Variants in NR5A2 observed in about 807,000 individuals in gnomAD.
NR5A2 encodes the protein nuclear receptor subfamily 5 group A member 2, also known as CYP7A promoter-binding factor.
A neutral mutation model predicts 62.7 loss-of-function variants in NR5A2; 26 were observed. The ratio of observed to expected loss-of-function variants is 0.41; its 90% CI spans 0.30 to 0.58. The LOEUF (loss-of-function observed/expected upper bound fraction) is 0.58, where lower values mean the gene tolerates loss of function less well. Among genes scored for constraint, NR5A2 ranks in the 20% least tolerant of loss-of-function variants. The probability of loss-of-function intolerance (pLI) is 0.22; values close to 1 mark genes in which losing one functional copy is unlikely to be tolerated. For synonymous variants in NR5A2, 246 were observed against 241.7 expected (o/e 1.02, Z -0.16); for missense variants, 541 against 669.1 (o/e 0.81, Z 2.11).
intron 5 of NR5A2, among the ~76,000 whole-genome samples, chr1:200,052,798 C>T (rs1008004318): frequency 5.3e-5 from 8 of 149,982 alleles, no homozygotes; most frequent in South Asian, 2.1e-4. Flanking sequence ...CCTGCCACCA[C>T]GCCGGCTAAT....
intron 5 of NR5A2, among the ~76,000 whole-genome samples, chr1:200,060,303 AC>A (rs1393251247): frequency 6.6e-6 from 1 of 152,072 alleles, no homozygotes. Flanking sequence ...AAGGAAGGCA[AC>A]TCGTTCCCTA....
At chr1:200,053,602 CACACA>C (rs1030951248) in intron 5 of NR5A2, among the ~76,000 whole-genome samples, 2 of 150,354 alleles carry the variant, frequency 1.3e-5, no homozygotes, top group Non-Finnish European at 3.0e-5. Context: ...CACACACACA[CACACA>C]AAGAGGCAGT....
chr1:200,132,782 G>A (rs1395344854), intron 7 of NR5A2, among the ~76,000 whole-genome samples: 1 of 123,160 alleles, frequency 8.1e-6, no homozygotes, highest in Non-Finnish European at 1.8e-5. Context: ...GAAAGGAGTT[G>A]GGAAACTGCA....
chr1:200,121,474 G>A (rs925808577), intron 7 of NR5A2, among the ~76,000 whole-genome samples: 2 of 152,192 alleles, frequency 1.3e-5, no homozygotes, highest in South Asian at 2.1e-4. Flanking sequence ...AAAGATGACA[G>A]TTGTCAAGGG....
chr1:200,088,046 C>T lies in NR5A2; in HGVS notation c.1111-23156C>T, dbSNP rs918128397. ...GATTACACGTATGAACCACCATGCC[C>T]GGCCCCTTGCTAACATTTTAATTTT... On this transcript the variant is annotated intron_variant, in intron 5 of 7. Coordinates refer to ENST00000367362, the MANE Select transcript of NR5A2 (RefSeq NM_205860.3). 4.3e-4 allele frequency among the ~76,000 whole-genome samples: 66 copies of T among 151,862 alleles called. 1 individual carries two copies. The highest frequency in any genetic ancestry group is 1.3e-3 in the African/African-American group (52 of 41,346).
In NR5A2 at chr1:200,147,398, A is replaced by G; in HGVS notation, c.1378+26443A>G. On this transcript the variant is annotated intron_variant, in intron 7 of 7. Transcript: ENST00000367362. The surrounding 1 kb of genome is among the most constrained non-coding windows in gnomAD (Gnocchi z 4.9). ...CACCTTAGTTCCTCTCGGAGTCTGT[A>G]TGGGTCTGGGCGAGATGCAGGCAGC... 2.4e-6 allele frequency: 1 copy of G among 412,600 alleles called. No homozygotes were observed. Among genetic ancestry groups the G allele is most frequent in the Non-Finnish European group, 4.7e-6 (1 of 214,616 alleles). The allele number at this position is 412,600 out of a possible 1,614,324, so 25.6% of individuals were successfully genotyped here.
At chr1:200,054,149 A>C (rs1211438940) in intron 5 of NR5A2, 1 of 152,254 alleles carries the variant, frequency 6.6e-6, no homozygotes, top group African/African-American at 2.4e-5. Context: ...GGCATTCATG[A>C]AACTGTCCAT....
chr1:200,126,364 G>C (rs1666699637), intron 7 of NR5A2, among the ~76,000 whole-genome samples: 1 of 152,024 alleles, frequency 6.6e-6, no homozygotes, highest in Admixed American at 6.6e-5. Flanking sequence ...TCTTAGTGAA[G>C]CAAAGTTCTT....
At chr1:200,105,316 TGA>T (rs1665595680) in intron 5 of NR5A2, among the ~76,000 whole-genome samples, 1 of 151,776 alleles carries the variant, frequency 6.6e-6, no homozygotes, top group South Asian at 2.1e-4. Context: ...CAGGAAACAC[TGA>T]GAGAGAAAAA....
chr1:200,068,812 C>G (rs1663613891), intron 5 of NR5A2, among the ~76,000 whole-genome samples: 1 of 151,846 alleles, frequency 6.6e-6, no homozygotes, highest in Non-Finnish European at 1.5e-5. Flanking sequence ...ATCATTTGGG[C>G]TAGGAGGAGG....
At chr1:200,076,723 G>A (rs532305607) in intron 5 of NR5A2, among the ~76,000 whole-genome samples, 7 of 152,096 alleles carry the variant, frequency 4.6e-5, no homozygotes, top group South Asian at 2.1e-4. Context: ...TAAATGAACA[G>A]CATGACTTGC....
chr1:200,111,388 T>A (rs1665950212), intron 6 of NR5A2, 67 bp downstream of exon 6: 1 of 1,534,648 alleles, frequency 6.5e-7, no homozygotes, highest in Admixed American at 2.0e-5. Context: ...ATGGCCGGAA[T>A]TTAACTAGGT....
Position 200,174,346 on chromosome 1 carries a change from T to A in NR5A2, c.*136T>A. 1 of 912,884 alleles carries A rather than the reference T, an allele frequency of 1.1e-6. No homozygotes were observed. Among genetic ancestry groups the A allele is most frequent in the Non-Finnish European group, 1.5e-6 (1 of 668,742 alleles). The allele number at this position is 912,884 out of a possible 1,614,324, so 56.5% of individuals were successfully genotyped here. A position where few individuals can be genotyped will look rare whatever the true frequency, so the allele number is the denominator to read the frequency against. On this transcript the variant is annotated 3_prime_UTR_variant, in exon 8 of 8. Coordinates refer to ENST00000367362, the MANE Select transcript of NR5A2 (RefSeq NM_205860.3). ...AATTAAAAACTTGCTTTAAAGATAT[T>A]GAATTTAAAAAGGCATAATAATCAA...
At chr1:200,044,980 TAAAAA>T (rs3838446) in intron 3 of NR5A2, among the ~76,000 whole-genome samples, 3 of 142,974 alleles carry the variant, frequency 2.1e-5, no homozygotes, top group African/African-American at 7.7e-5. Flanking sequence ...TGACATTTGT[TAAAAA>T]AAAAAAAAAA....
intron 5 of NR5A2, among the ~76,000 whole-genome samples, chr1:200,062,227 T>TTATGTGTGTGTG (rs1553267511): frequency 6.9e-6 from 1 of 145,666 alleles, no homozygotes; most frequent in African/African-American, 2.5e-5. Context: ...CTGGCAGATT[T>TTATGTGTGTGTG]TGTGTGTGTG....
At chr1:200,125,486 A>G (rs1666662354) in intron 7 of NR5A2, among the ~76,000 whole-genome samples, 1 of 152,184 alleles carries the variant, frequency 6.6e-6, no homozygotes, top group Non-Finnish European at 1.5e-5. Context: ...GCCTCAGGGA[A>G]TGACTCAACT....
chr1:200,107,462 C>T (rs1665738314), intron 5 of NR5A2, among the ~76,000 whole-genome samples: 1 of 152,104 alleles, frequency 6.6e-6, no homozygotes, highest in South Asian at 2.1e-4. Context: ...CAAAGGAAGA[C>T]AGGATAATGT....
At chr1:200,096,319 C>A (rs1244898686) in intron 5 of NR5A2, among the ~76,000 whole-genome samples, 1 of 152,024 alleles carries the variant, frequency 6.6e-6, no homozygotes, top group Non-Finnish European at 1.5e-5. Flanking sequence ...AACTCCTGAC[C>A]TCAGGTGATC....
intron 1 of NR5A2, chr1:200,038,701 A>G: frequency 7.3e-7 from 1 of 1,365,986 alleles, no homozygotes; most frequent in Non-Finnish European, 9.8e-7. Context: ...TTCCCCTCAG[A>G]TCGAGGAAAT....
Sources: gnomAD v4.1 joint callset for allele counts (sites outside exome capture counted in the v4.1 genomes callset) on GRCh38, gnomAD v4.1.1 for gene constraint, Gnocchi (gnomAD v3.1) non-coding constraint, MANE v1.5 for transcripts, NCBI Gene and HGNC (gene_info 2026-07-23, HGNC 2026-07-21) for gene names.